Variants in SYTL5 observed in about 807,000 individuals in gnomAD.
SYTL5 encodes the protein synaptotagmin like 5, also known as synaptotagmin-like protein 5.
A neutral mutation model predicts 55.9 loss-of-function variants in SYTL5; 34 were observed. The ratio of observed to expected loss-of-function variants is 0.61; its 90% confidence interval spans 0.46 to 0.81. The LOEUF is 0.81. Among genes scored for constraint, SYTL5 ranks in the 30% least tolerant of loss-of-function variants. SYTL5 has a pLI of 0.00. For synonymous variants in SYTL5, 221 were observed against 188.7 expected (o/e 1.17, Z -1.40); for missense variants, 637 against 546.7 (o/e 1.17, Z -1.65).
intron 3 of SYTL5, among the ~76,000 whole-genome samples, chrX:38,057,434 A>G (rs1206400717): frequency 3.6e-5 from 4 of 111,840 alleles, no homozygotes; most frequent in Non-Finnish European, 7.6e-5. Context: ...ATTTGAAATC[A>G]GGTAACGTGA....
chrX:38,110,695 C>T (rs1448238629), intron 13 of SYTL5, among the ~76,000 whole-genome samples: 3 of 112,027 alleles, frequency 2.7e-5, no homozygotes, highest in African/African-American at 9.7e-5. Context: ...ATAATGAAAG[C>T]TACATAATCA....
At chrX:38,122,805 C>T (rs141614837) in intron 15 of SYTL5, among the ~76,000 whole-genome samples, 1,651 of 112,166 alleles carry the variant, frequency 0.015, 35 homozygotes, top group African/African-American at 0.05. Flanking sequence ...ACATCAAATC[C>T]CTTTTGATTC....
the SYTL5 span, among the ~76,000 whole-genome samples, chrX:37,988,419 T>C: frequency 3.6e-5 from 4 of 112,454 alleles, no homozygotes; most frequent in Non-Finnish European, 7.5e-5. Context: ...ACCAAATTTA[T>C]GGCAATTCAT....
chrX:37,937,792 G>A, the SYTL5 span, among the ~76,000 whole-genome samples: 803 of 112,480 alleles, frequency 7.1e-3, 5 homozygotes, highest in Non-Finnish European at 0.011. Context: ...ACATGAGTGA[G>A]CTACACAGAT....
chrX:37,918,045 C>A, the SYTL5 span, among the ~76,000 whole-genome samples: 3 of 111,336 alleles, frequency 2.7e-5, no homozygotes, highest in African/African-American at 9.8e-5. Flanking sequence ...CCCCTCTGCC[C>A]AGTTTAAGCA....
At chrX:38,094,453 T>C in intron 8 of SYTL5, 29 bp downstream of exon 8, 2 of 1,168,198 alleles carry the variant, frequency 1.7e-6, no homozygotes, top group Non-Finnish European at 2.3e-6. Context: ...CCTACTTTGT[T>C]GTTTAAAATG....
chrX:37,943,463 G>A, the SYTL5 span, among the ~76,000 whole-genome samples: 2 of 111,347 alleles, frequency 1.8e-5, no homozygotes, highest in Non-Finnish European at 3.8e-5. Flanking sequence ...GGAGCAGGTT[G>A]AGGGTCAGTG....
intron 2 of SYTL5, among the ~76,000 whole-genome samples, chrX:38,037,835 T>TA (rs1935156287): frequency 1.8e-5 from 2 of 108,236 alleles, no homozygotes; most frequent in South Asian, 7.7e-4. Context: ...GATAGATAGA[T>TA]AAAAATATTT....
At chrX:38,115,353 G>A (rs187450591) in intron 13 of SYTL5, among the ~76,000 whole-genome samples, 1,599 of 102,838 alleles carry the variant, frequency 0.016, 29 homozygotes, top group South Asian at 0.054. Context: ...GCGTGGTAGC[G>A]GGCGCCTGTA....
chrX:37,968,051 ATTC>A, the SYTL5 span, among the ~76,000 whole-genome samples: 1 of 109,870 alleles, frequency 9.1e-6, no homozygotes, highest in Non-Finnish European at 1.9e-5. Flanking sequence ...TTATTTATGC[ATTC>A]TTCTCTTGAC....
chrX:38,106,743 G>A lies in SYTL5; in HGVS notation c.1306G>A (p.Gly436Arg), dbSNP rs753976725. 4.2e-6 allele frequency: 5 copies of A among 1,201,988 alleles called. No homozygotes were observed. In the South Asian group the frequency reaches 7.3e-5, roughly 18 times the overall value. Residue 436 changes from glycine (G) to arginine (R), a missense_variant, in exon 11 of 17, where the codon GGA (glycine) becomes AGA (arginine). By Grantham distance (125) the Gly-to-Arg change is moderately radical. Transcript: ENST00000297875. ...FVKNCRNLAIGDEKKQRTDAY... is the reference protein window; with the variant it reads ...FVKNCRNLAIRDEKKQRTDAY... ...CAAGAATTGCAGAAATCTGGCCATA[G>A]GAGATGAAAAGAAACAGAGGACAGA...
intron 3 of SYTL5, 54 bp from the exon 4 acceptor site, chrX:38,071,993 A>G (rs1936277360): frequency 1.1e-6 from 1 of 872,509 alleles, no homozygotes; most frequent in Non-Finnish European, 1.7e-6. Flanking sequence ...TTTGAGAGTT[A>G]ATTATGTGGC....
At chrX:38,089,220 G>A (rs998353011) in intron 6 of SYTL5, among the ~76,000 whole-genome samples, 2 of 112,033 alleles carry the variant, frequency 1.8e-5, no homozygotes, top group Admixed American at 1.9e-4. Context: ...AGAAAGATGG[G>A]GTGAAGTTTA....
intron 1 of SYTL5, among the ~76,000 whole-genome samples, chrX:38,028,964 T>C (rs539077584): frequency 1.8e-5 from 2 of 112,092 alleles, no homozygotes; most frequent in African/African-American, 6.5e-5. Flanking sequence ...AAACGTCATT[T>C]TTATATTAGT....
At position 38,076,549 on chromosome X, in the gene SYTL5, A is replaced by G; in HGVS notation, c.555-18A>G. On this transcript the variant is annotated intron_variant, in intron 5 of 16. Coordinates refer to ENST00000297875, the MANE Select transcript of SYTL5 (RefSeq NM_138780.3). ...CTTTCTTTCTTATCTAATTTTAAAT[A>G]CATATATATAATTTCAGATTTCTTC... 9.2e-7 allele frequency: 1 copy of G among 1,089,398 alleles called. No homozygotes were observed. The highest frequency in any genetic ancestry group is 1.2e-6 in the Non-Finnish European group (1 of 813,503). 89.8% of individuals were successfully genotyped at this position (1,089,398 alleles called of 1,213,427 possible).
chrX:37,948,863 T>C, the SYTL5 span, among the ~76,000 whole-genome samples: 1 of 111,734 alleles, frequency 8.9e-6, no homozygotes, highest in African/African-American at 3.2e-5. Flanking sequence ...TTCGCTATTG[T>C]GAATAATGCT....
chrX:37,914,134 C>A, the SYTL5 span, among the ~76,000 whole-genome samples: 2 of 111,334 alleles, frequency 1.8e-5, no homozygotes, highest in African/African-American at 6.5e-5. Context: ...GATAGGAGTA[C>A]AAATTGGTAC....
intron 9 of SYTL5, among the ~76,000 whole-genome samples, chrX:38,101,466 T>C (rs993171660): frequency 9.0e-6 from 1 of 111,270 alleles, no homozygotes; most frequent in African/African-American, 3.3e-5. Flanking sequence ...TTTGTGTATG[T>C]TTTTATATGA....
intron 1 of SYTL5, among the ~76,000 whole-genome samples, chrX:38,031,481 A>T (rs1934951010): frequency 1.8e-5 from 2 of 112,014 alleles, no homozygotes; most frequent in African/African-American, 6.5e-5. Flanking sequence ...TTGTATTTAT[A>T]GCCCAAGGCA....
Sources: allele counts gnomAD v4.1 joint callset (sites outside exome capture counted in the v4.1 genomes callset), GRCh38; gene constraint gnomAD v4.1.1; transcripts MANE v1.5; gene names NCBI Gene and HGNC (gene_info 2026-07-23, HGNC 2026-07-21).